DNAH9: variants seen among roughly 807,000 people sequenced by gnomAD.
DNAH9 encodes DNAH9 variant protein.
A neutral mutation model predicts 471.6 loss-of-function variants in DNAH9; 345 were observed. The observed-to-expected ratio is 0.73, with a 90% CI of 0.67 to 0.80. The LOEUF (loss-of-function observed/expected upper bound fraction) is 0.80. DNAH9 is among the 30% of genes least tolerant of loss of function. DNAH9 has a pLI of 0.00. For missense variants in DNAH9, 5,407 were observed against 5,609.2 expected (o/e 0.96, Z 1.15); for synonymous variants, 2,093 against 2,123.6 (o/e 0.99, Z 0.40).
chr17:11,833,492 G>A (rs144171273), intron 48 of DNAH9, among the ~76,000 whole-genome samples: 3 of 152,198 alleles, frequency 2.0e-5, no homozygotes, highest in African/African-American at 2.4e-5. Context: ...TGCGGTAGGC[G>A]GGCTCACTGG....
intron 50 of DNAH9, among the ~76,000 whole-genome samples, chr17:11,860,875 T>G (rs947900930): frequency 1.3e-5 from 2 of 152,116 alleles, no homozygotes; most frequent in African/African-American, 4.8e-5. Flanking sequence ...CACTGAATGT[T>G]TTATGCTTTT....
Position 11,786,094 on chromosome 17 carries a change from AAG to A in DNAH9, c.8061+1557_8061+1558del, listed in dbSNP as rs1555594304. Among the ~76,000 whole-genome samples, 112 of 151,258 alleles carry A rather than the reference AAG, an allele frequency of 7.4e-4. 1 individual carries two copies. The highest frequency in any genetic ancestry group is 2.7e-3 in the African/African-American group (109 of 41,088). ...GGTGGATTTTTCAAATGAAAAAAAA[AAG>A]AAGTTAACATTGTTTGATCAAATCT... On this transcript the variant is annotated intron_variant, in intron 41 of 68. Transcript: ENST00000262442.
chr17:11,694,067 A>C (rs1838447323), intron 21 of DNAH9, 69 bp downstream of exon 21: 2 of 1,573,762 alleles, frequency 1.3e-6, no homozygotes, highest in Non-Finnish European at 8.7e-7. Context: ...CGTCTCTGAG[A>C]CCAGTGGGCA....
chr17:11,823,073 G>A (rs1970367900), intron 48 of DNAH9, 39 bp downstream of exon 48: 1 of 1,553,182 alleles, frequency 6.4e-7, no homozygotes, highest in Non-Finnish European at 8.7e-7. Flanking sequence ...CAGGGGACTT[G>A]GAGGGAGCTG....
chr17:11,851,288 T>G (rs1971413705), intron 49 of DNAH9, among the ~76,000 whole-genome samples: 1 of 152,144 alleles, frequency 6.6e-6, no homozygotes, highest in East Asian at 1.9e-4. Context: ...AGCTAATCTT[T>G]GTATTTTTAG....
chr17:11,742,347 C>G, intron 30 of DNAH9, 34 bp downstream of exon 30: 3 of 1,606,002 alleles, frequency 1.9e-6, no homozygotes, highest in Non-Finnish European at 2.6e-6. Flanking sequence ...CAACCAAGCA[C>G]CGTGCAACAG....
chr17:11,708,006 C>CAGAG lies in DNAH9; in HGVS notation c.5552+2822_5552+2823insGAGA, dbSNP rs1567736983. Among the ~76,000 whole-genome samples the CAGAG allele has an allele frequency of 5.0e-4, 24 of 48,284 alleles. No individual in the cohort carries two copies. In the East Asian group the frequency reaches 5.4e-3, roughly 11 times the overall value. 31.7% of individuals were successfully genotyped at this position (48,284 alleles called of 152,430 possible). ...ACACACACACACACACACACACACACACACACACAGAGAGAGAGAGAGAGA... is the reference window on the plus strand; with the variant it reads ...ACACACACACACACACACACACACACAGAGACACACACAGAGAGAGAGAGAGAGA... On this transcript the variant is annotated intron_variant, in intron 26 of 68. Transcript: ENST00000262442.
chr17:11,776,380 G>A (rs1968435137), intron 38 of DNAH9, among the ~76,000 whole-genome samples: 1 of 151,666 alleles, frequency 6.6e-6, no homozygotes, highest in African/African-American at 2.4e-5. Context: ...AGTGGTAGGG[G>A]GAGATAGAGC....
intron 44 of DNAH9, among the ~76,000 whole-genome samples, chr17:11,809,587 T>C (rs1360183893): frequency 6.6e-6 from 1 of 151,814 alleles, no homozygotes. Flanking sequence ...AAATAAAAAA[T>C]AAAAACTACA....
At chr17:11,949,771 GC>G (rs1166823171) in intron 67 of DNAH9, among the ~76,000 whole-genome samples, 1 of 152,082 alleles carries the variant, frequency 6.6e-6, no homozygotes, top group Non-Finnish European at 1.5e-5. Flanking sequence ...GAGCCACCAT[GC>G]CCAGCCAATG....
At chr17:11,664,102 A>G (rs57227973) in intron 14 of DNAH9, among the ~76,000 whole-genome samples, 2,022 of 152,274 alleles carry the variant, frequency 0.013, 43 homozygotes, top group African/African-American at 0.046. Context: ...GTTGCTGTAA[A>G]AAGTGTTAAT....
intron 60 of DNAH9, among the ~76,000 whole-genome samples, chr17:11,905,244 A>AC (rs1973552453): frequency 6.6e-6 from 1 of 152,000 alleles, no homozygotes; most frequent in East Asian, 1.9e-4. Flanking sequence ...AAAAAAAAAA[A>AC]AAGAGAGAGA....
intron 22 of DNAH9, among the ~76,000 whole-genome samples, chr17:11,698,399 T>G (rs1238069227): frequency 6.8e-6 from 1 of 146,534 alleles, no homozygotes; most frequent in Non-Finnish European, 1.5e-5. Context: ...ATTTTATATA[T>G]ATATATGCTC....
At chr17:11,838,765 G>A (rs1013539593) in intron 49 of DNAH9, among the ~76,000 whole-genome samples, 7 of 152,240 alleles carry the variant, frequency 4.6e-5, no homozygotes, top group Admixed American at 1.3e-4. Context: ...GCAACAGCCC[G>A]TTTTTATGAA....
chr17:11,923,870 C>A lies in DNAH9; in HGVS notation c.11806C>A (p.Gln3936Lys). Residue 3936 changes from glutamine (Q) to lysine (K), a missense_variant, in exon 62 of 69, where the codon CAA (glutamine) becomes AAA (lysine). By Grantham distance (53) the Gln-to-Lys change is moderately conservative. Coordinates refer to ENST00000262442, the MANE Select transcript of DNAH9 (RefSeq NM_001372.4). Reference protein sequence around the residue: ...NQNFHNVSLGQGQEVVAEAAL... With the variant: ...NQNFHNVSLGKGQEVVAEAAL... ...GAACTTTCACAACGTGTCTTTGGGG[C>A]AAGGACAGGAAGTGGTGGCTGAGGC... 3 of 1,614,050 alleles carry A rather than the reference C, an allele frequency of 1.9e-6. No individual in the cohort carries two copies. The highest frequency in any genetic ancestry group is 1.6e-4 in the Middle Eastern group (1 of 6,062).
chr17:11,836,208 A>G (rs1417087522), intron 49 of DNAH9, among the ~76,000 whole-genome samples: 1 of 152,178 alleles, frequency 6.6e-6, no homozygotes, highest in Non-Finnish European at 1.5e-5. Flanking sequence ...TAAAGGGTTG[A>G]AAAGTCAAAA....
At chr17:11,842,689 G>A (rs1465164316) in intron 49 of DNAH9, among the ~76,000 whole-genome samples, 1 of 152,158 alleles carries the variant, frequency 6.6e-6, no homozygotes, top group African/African-American at 2.4e-5. Flanking sequence ...CAGCACAGGA[G>A]ATAGATAAAG....
intron 9 of DNAH9, among the ~76,000 whole-genome samples, chr17:11,639,453 C>T (rs1171231934): frequency 6.6e-6 from 1 of 152,208 alleles, no homozygotes; most frequent in African/African-American, 2.4e-5. Flanking sequence ...CAAATATAAG[C>T]AGACAAACCC....
intron 38 of DNAH9, among the ~76,000 whole-genome samples, chr17:11,777,287 A>T (rs1029963609): frequency 6.6e-6 from 1 of 152,260 alleles, no homozygotes; most frequent in Non-Finnish European, 1.5e-5. Context: ...TAACTATGTC[A>T]TCCTACATTA....
Sources: gnomAD v4.1 joint callset for allele counts (sites outside exome capture counted in the v4.1 genomes callset) on GRCh38, gnomAD v4.1.1 for gene constraint, MANE v1.5 for transcripts, NCBI Gene and HGNC (gene_info 2026-07-23, HGNC 2026-07-21) for gene names.